Variants in PCNX1 observed in about 807,000 individuals in gnomAD.
PCNX1 encodes pecanex 1.
PCNX1 carries 78 observed loss-of-function variants against 242.2 expected under a neutral mutation model. The observed-to-expected ratio is 0.32, with a 90% CI of 0.27 to 0.39. The LOEUF (loss-of-function observed/expected upper bound fraction) is 0.39, where lower values mean the gene tolerates loss of function less well. Ranked by LOEUF, PCNX1 falls within the 10% of genes least tolerant of loss-of-function variation. The pLI is 1.00. For synonymous variants in PCNX1, 1,024 were observed against 1,032.9 expected (o/e 0.99, Z 0.17); for missense variants, 2,581 against 2,856.5 (o/e 0.90, Z 2.20).
At chr14:70,978,730 G>A in intron 6 of PCNX1, 82 bp downstream of exon 6, 4 of 1,213,532 alleles carry the variant, frequency 3.3e-6, no homozygotes, top group Non-Finnish European at 4.6e-6. Flanking sequence ...ACTAAAATAT[G>A]CTTCTGTTAA....
At chr14:70,925,062 C>G (rs2056535570) in intron 1 of PCNX1, among the ~76,000 whole-genome samples, 1 of 151,976 alleles carries the variant, frequency 6.6e-6, no homozygotes, top group Middle Eastern at 3.4e-3. Flanking sequence ...GATCTCAGCT[C>G]ACTGCAACCT....
intron 5 of PCNX1, among the ~76,000 whole-genome samples, chr14:70,974,065 T>G (rs1204495064): frequency 7.3e-6 from 1 of 137,020 alleles, no homozygotes; most frequent in East Asian, 2.0e-4. Context: ...TTATATGTGG[T>G]TTTTTTTTTT....
chr14:70,935,642 T>C (rs2056972260), intron 1 of PCNX1, among the ~76,000 whole-genome samples: 1 of 152,252 alleles, frequency 6.6e-6, no homozygotes, highest in Non-Finnish European at 1.5e-5. Flanking sequence ...CACTGAGTAA[T>C]AATGTTGGGG....
At chr14:70,998,621 C>T (rs924964645) in intron 8 of PCNX1, among the ~76,000 whole-genome samples, 7 of 151,474 alleles carry the variant, frequency 4.6e-5, no homozygotes, top group African/African-American at 1.5e-4. Flanking sequence ...CATGGTGGCA[C>T]GTGCCTGTAA....
chr14:71,061,637 C>T lies in PCNX1; in HGVS notation c.4852+3913C>T, dbSNP rs539315263. On this transcript the variant is annotated intron_variant, in intron 26 of 35. Coordinates refer to ENST00000304743, the MANE Select transcript of PCNX1 (RefSeq NM_014982.3). ...ATTACATCTATGACTGCATCAAGAA[C>T]CTTGCTTAGGGTGATGTCACCAATA... Among the ~76,000 whole-genome samples, 5 of 152,278 alleles carry T rather than the reference C, an allele frequency of 3.3e-5. No individual in the cohort carries two copies. In the East Asian group the frequency reaches 9.6e-4, roughly 29 times the overall value.
intron 12 of PCNX1, among the ~76,000 whole-genome samples, chr14:71,021,857 A>G (rs2060110854): frequency 6.6e-6 from 1 of 151,686 alleles, no homozygotes; most frequent in Non-Finnish European, 1.5e-5. Flanking sequence ...CAACTGCTTA[A>G]TTTATGAGAA....
intron 26 of PCNX1, among the ~76,000 whole-genome samples, chr14:71,066,440 G>A (rs2061449076): frequency 6.6e-6 from 1 of 152,168 alleles, no homozygotes; most frequent in Admixed American, 6.6e-5. Context: ...GAATGCTTGT[G>A]ATTTTTGCAC....
chr14:70,947,559 T>C (rs2057507520), intron 2 of PCNX1, among the ~76,000 whole-genome samples: 1 of 152,228 alleles, frequency 6.6e-6, no homozygotes, highest in Non-Finnish European at 1.5e-5. Flanking sequence ...CCTCAATCAG[T>C]ACTCTTATAG....
At position 71,045,145 on chromosome 14, in the gene PCNX1, T is replaced by G; in HGVS notation, c.3880T>G (p.Tyr1294Asp). 2 of 1,600,246 alleles carry G rather than the reference T, an allele frequency of 1.2e-6. No homozygotes were observed. Among genetic ancestry groups the G allele is most frequent in the Non-Finnish European group, 1.7e-6 (2 of 1,175,668 alleles). Reference sequence around the variant, plus strand: ...TTATTTTTTTTAGCCTGCCCTCAAGTATGTGTTGTATACATTGGTTGGCTT... The same window carrying G: ...TTATTTTTTTTAGCCTGCCCTCAAGGATGTGTTGTATACATTGGTTGGCTT... ...VFTVLQPALK[Y>D]VLYTLVGFVG... The change falls in exon 20 of 36, where the codon TAT (tyrosine) becomes GAT (aspartate). Residue 1294 changes from tyrosine to aspartate, a missense_variant. Physicochemically the swap from Tyr to Asp is radical, Grantham distance 160. This residue lies in a region of PCNX1 where 432 missense variants were observed against 443.1 expected (regional missense o/e 0.97). Transcript: ENST00000304743.
At chr14:70,948,211 C>G (rs1030687314) in intron 2 of PCNX1, among the ~76,000 whole-genome samples, 3 of 152,098 alleles carry the variant, frequency 2.0e-5, no homozygotes, top group African/African-American at 7.2e-5. Flanking sequence ...ATCTCTGTGA[C>G]CCATACCCTA....
rs766646758 is a variant in PCNX1, at chr14:71,088,336, G to C, written c.5344G>C (p.Asp1782His). 6.2e-7 allele frequency: 1 copy of C among 1,601,796 alleles called. No individual in the cohort carries two copies. Among genetic ancestry groups the C allele is most frequent in the Non-Finnish European group, 8.5e-7 (1 of 1,169,892 alleles). The change falls in exon 29 of 36, where the codon GAT becomes CAT. Residue 1782 changes from aspartate to histidine, a missense_variant. Asp to His is a moderately conservative substitution (Grantham distance 81, BLOSUM62 -1). Transcript: ENST00000304743. ...YCSSRRAKPVDVDKDSSLVTL... is the reference protein window; with the variant it reads ...YCSSRRAKPVHVDKDSSLVTL... ...GTTTTTTGTTTTTTTAAAGCCTGTG[G>C]ATGTGGACAAAGATTCATCCCTAGT...
intron 1 of PCNX1, among the ~76,000 whole-genome samples, chr14:70,928,795 C>T (rs2056681708): frequency 6.6e-6 from 1 of 152,108 alleles, no homozygotes. Flanking sequence ...CAAATCTGTA[C>T]CAGACTATTT....
chr14:71,047,715 C>T, intron 21 of PCNX1, 92 bp from the exon 22 acceptor site: 2 of 1,044,770 alleles, frequency 1.9e-6, no homozygotes, highest in South Asian at 1.6e-5. Flanking sequence ...ATATTATAAG[C>T]TTAGTAAAGT....
chr14:71,030,028 A>G (rs2060338545), intron 16 of PCNX1, among the ~76,000 whole-genome samples: 1 of 152,160 alleles, frequency 6.6e-6, no homozygotes, highest in African/African-American at 2.4e-5. Context: ...TCTCTTGGGT[A>G]AATACCTAGA....
intron 25 of PCNX1, among the ~76,000 whole-genome samples, chr14:71,057,073 CTTT>C (rs2061202879): frequency 6.6e-6 from 1 of 152,138 alleles, no homozygotes; most frequent in Non-Finnish European, 1.5e-5. Flanking sequence ...TAACCAGCTT[CTTT>C]TTGATTGTCT....
At chr14:71,050,806 A>T in intron 23 of PCNX1, 46 bp downstream of exon 23, 1 of 1,550,480 alleles carries the variant, frequency 6.4e-7, no homozygotes, top group Non-Finnish European at 8.8e-7. Flanking sequence ...GTCATATCCT[A>T]GATAAGAATG....
intron 5 of PCNX1, among the ~76,000 whole-genome samples, chr14:70,970,514 A>G (rs949601422): frequency 6.6e-6 from 1 of 152,220 alleles, no homozygotes; most frequent in Non-Finnish European, 1.5e-5. Flanking sequence ...TAGGGATTAT[A>G]TATCTTATTT....
At chr14:70,985,506 G>A (rs189925902) in intron 6 of PCNX1, among the ~76,000 whole-genome samples, 9 of 152,266 alleles carry the variant, frequency 5.9e-5, no homozygotes, top group Admixed American at 2.0e-4. Flanking sequence ...GAGCCACTGC[G>A]CCAGGCCTGA....
At chr14:71,015,256 A>G (rs796990413) in intron 11 of PCNX1, among the ~76,000 whole-genome samples, 5 of 152,316 alleles carry the variant, frequency 3.3e-5, no homozygotes, top group African/African-American at 1.2e-4. Flanking sequence ...AGTCTACCCA[A>G]AGGAACAAAG....
Sources: allele counts gnomAD v4.1 joint callset (sites outside exome capture counted in the v4.1 genomes callset), GRCh38; gene constraint gnomAD v4.1.1; regional missense constraint gnomAD v4.1.1; transcripts MANE v1.5; gene names NCBI Gene and HGNC (gene_info 2026-07-23, HGNC 2026-07-21).